SLFN12L: variants seen among roughly 807,000 people sequenced by gnomAD.
SLFN12L encodes the protein schlafen family member 12-like.
In SLFN12L, 34 loss-of-function variants were observed where a neutral mutation model predicts 34.8. That is an observed-to-expected ratio of 0.98 (90% CI 0.74 to 1.30). The LOEUF is 1.30. Ranked by LOEUF, SLFN12L falls within the 50% of genes most tolerant of loss-of-function variation. The pLI is 0.00. For synonymous variants in SLFN12L, 259 were observed against 247.5 expected (o/e 1.05, Z -0.44); for missense variants, 703 against 696.2 (o/e 1.01, Z -0.11).
chr17:35,535,774 G>A (rs557006245), intron 1 of SLFN12L, among the ~76,000 whole-genome samples: 1 of 152,198 alleles, frequency 6.6e-6, no homozygotes, highest in South Asian at 2.1e-4. Flanking sequence ...TTCCACCTCA[G>A]CCTCCTGAGT....
intron 2 of SLFN12L, chr17:35,498,532 G>T: frequency 7.8e-7 from 1 of 1,290,230 alleles, no homozygotes; most frequent in Non-Finnish European, 1.1e-6. Context: ...CTCCATCTCA[G>T]CCTGGTCCAG....
chr17:35,487,057 G>A (rs183926955), intron 2 of SLFN12L, among the ~76,000 whole-genome samples: 2 of 152,298 alleles, frequency 1.3e-5, no homozygotes, highest in East Asian at 1.9e-4. Flanking sequence ...GGCGCAGTTC[G>A]TCAGTGCCTG....
intron 4 of SLFN12L, among the ~76,000 whole-genome samples, chr17:35,477,211 G>A (rs576371317): frequency 6.6e-6 from 1 of 152,266 alleles, no homozygotes; most frequent in Non-Finnish European, 1.5e-5. Context: ...ACTGGATCTA[G>A]GAAAAGTGGT....
chr17:35,487,797 C>A lies in SLFN12L; in HGVS notation c.87-7602G>T, dbSNP rs1323784653. ...GAGTTCTTTTCCACTTTCCTGCTCT[C>A]CGCGTCCGTGTGCGGCTAGCCCCTC... is the stretch of plus-strand genomic sequence containing the variant. On this transcript the variant is annotated intron_variant, in intron 2 of 4. Transcript: ENST00000628453. 5 of 1,527,516 alleles carry A rather than the reference C, an allele frequency of 3.3e-6. No homozygotes were observed. The South Asian group carries it at 6.0e-5, about 18-fold the overall frequency. The allele number at this position is 1,527,516 out of a possible 1,614,324, so 94.6% of individuals were successfully genotyped here.
chr17:35,534,882 A>G (rs1048300245), intron 1 of SLFN12L, among the ~76,000 whole-genome samples: 1 of 152,214 alleles, frequency 6.6e-6, no homozygotes. Flanking sequence ...TGGGATCAAG[A>G]GTTCTGATAC....
In SLFN12L at chr17:35,468,102, G is replaced by A. The variant is rs1913744273; in HGVS notation, c.*6821C>T. 1.3e-5 allele frequency among the ~76,000 whole-genome samples: 2 copies of A among 152,032 alleles called. No homozygotes were observed. Among genetic ancestry groups the A allele is most frequent in the African/African-American group, 2.4e-5 (1 of 41,396 alleles). On this transcript the variant is annotated 3_prime_UTR_variant, in exon 5 of 5. Coordinates refer to ENST00000628453, the MANE Select transcript of SLFN12L (RefSeq NM_001363830.2). ...TTTTTTATGTTTTTTGTAGAGACAG[G>A]GTTTTACCATGTTGCCCAGGCTGGT...
At chr17:35,532,167 C>T (rs1010948058) in intron 1 of SLFN12L, among the ~76,000 whole-genome samples, 3 of 152,100 alleles carry the variant, frequency 2.0e-5, no homozygotes, top group Non-Finnish European at 2.9e-5. Flanking sequence ...AGGCACAGGC[C>T]GCGCACAGTG....
Position 35,479,121 on chromosome 17 carries a change from T to C in SLFN12L, c.1161A>G (p.Glu387=), listed in dbSNP as rs564109234. Residue 387 remains glutamate, a synonymous_variant, in exon 3 of 5, where the codon GAA becomes GAG. Transcript: ENST00000628453. ...KEWIQFMVDS[E]PVCEELPSPA... ...TGCCAATCCTCCTTCCTCAACCTGG[T>C]TCTGAATCCACCATGAACTGGATCC... The C allele has an allele frequency of 1.9e-6, 3 of 1,555,004 alleles. No homozygotes were observed. The highest frequency in any genetic ancestry group is 1.9e-5 in the Admixed American group (1 of 51,532).
In SLFN12L at chr17:35,471,123, T is replaced by C. The variant is rs1913799743; in HGVS notation, c.*3800A>G. On this transcript the variant is annotated 3_prime_UTR_variant, in exon 5 of 5. Transcript: ENST00000628453. ...TGTAAATAGTGGGGCAATAAACATA[T>C]GTGTGCATGTGTCTTTTTTTTTTTT... is the stretch of plus-strand genomic sequence containing the variant. Among the ~76,000 whole-genome samples the C allele has an allele frequency of 7.6e-6, 1 of 130,848 alleles. No homozygotes were observed. The highest frequency in any genetic ancestry group is 1.6e-5 in the Non-Finnish European group (1 of 63,786). 85.8% of individuals were successfully genotyped at this position (130,848 alleles called of 152,430 possible). A position where few individuals can be genotyped will look rare whatever the true frequency, so the allele number is the denominator to read the frequency against.
chr17:35,474,333 G>T lies in SLFN12L; in HGVS notation c.*590C>A, dbSNP rs1913859685. 6.6e-6 allele frequency: 1 copy of T among 152,168 alleles called. No homozygotes were observed. Among genetic ancestry groups the T allele is most frequent in the Non-Finnish European group, 1.5e-5 (1 of 68,060 alleles). The allele number at this position is 152,168 out of a possible 1,614,324, so 9.4% of individuals were successfully genotyped here. On this transcript the variant is annotated 3_prime_UTR_variant, in exon 5 of 5. Transcript: ENST00000628453. ...ATCTTGGTATGGCAAAACATGTGTAGGTAATTAATTTTTCTAATTTCCCTT... is the reference window on the plus strand; with the variant it reads ...ATCTTGGTATGGCAAAACATGTGTATGTAATTAATTTTTCTAATTTCCCTT...
At position 35,464,322 on chromosome 17, in the gene SLFN12L, A is replaced by G. The variant is rs888646008; in HGVS notation, c.*10601T>C. ...GCATGTGAAGGCTCATTACACAGGT[A>G]AACATGTGTCATGGGGTTTTGTTAT... On this transcript the variant is annotated 3_prime_UTR_variant, in exon 5 of 5. Coordinates refer to ENST00000628453, the MANE Select transcript of SLFN12L (RefSeq NM_001363830.2). The G allele has an allele frequency of 6.6e-6, 1 of 152,230 alleles. No individual in the cohort carries two copies. The highest frequency in any genetic ancestry group is 6.5e-5 in the Admixed American group (1 of 15,282). The allele number at this position is 152,230 out of a possible 1,614,324, so 9.4% of individuals were successfully genotyped here.
chr17:35,512,907 C>G (rs1915700205), intron 2 of SLFN12L, among the ~76,000 whole-genome samples: 1 of 152,118 alleles, frequency 6.6e-6, no homozygotes, highest in African/African-American at 2.4e-5. Flanking sequence ...AAGTTGCCCC[C>G]TCACTCCTCC....
chr17:35,479,659 C>A lies in SLFN12L; in HGVS notation c.623G>T (p.Arg208Met). Residue 208 changes from arginine to methionine, a missense_variant, in exon 3 of 5, where the codon AGG becomes ATG. Transcript: ENST00000628453. ...AYLRPEFPAK[R>M]ACVDVQEESN... ...TTCTTCTTGTACATCAACACAGGCC[C>A]TTTTTGCAGGGAATTCTGGTCTTAA... The A allele has an allele frequency of 6.2e-7, 1 of 1,611,508 alleles. No homozygotes were observed. Among genetic ancestry groups the A allele is most frequent in the East Asian group, 2.2e-5 (1 of 44,804 alleles).
At chr17:35,523,174 C>G (rs1426779693) in intron 1 of SLFN12L, among the ~76,000 whole-genome samples, 1 of 152,112 alleles carries the variant, frequency 6.6e-6, no homozygotes, top group Non-Finnish European at 1.5e-5. Flanking sequence ...GTTTATTATG[C>G]CTTTGACCTA....
Position 35,510,564 on chromosome 17 carries a change from G to C in SLFN12L, c.86+11715C>G, listed in dbSNP as rs139884241. On this transcript the variant is annotated intron_variant, in intron 2 of 4. Coordinates refer to ENST00000628453, the MANE Select transcript of SLFN12L (RefSeq NM_001363830.2). ...CCAGATAGGCACGTCCATAGAGACA[G>C]AGAGGAGAGGAGACGTTGCCAGGGG... Among the ~76,000 whole-genome samples the C allele has an allele frequency of 9.9e-4, 151 of 152,308 alleles. 2 individuals are homozygous for C. In the East Asian group the frequency reaches 0.015, roughly 16 times the overall value.
At chr17:35,517,653 A>G (rs1597875118) in intron 2 of SLFN12L, among the ~76,000 whole-genome samples, 1 of 152,220 alleles carries the variant, frequency 6.6e-6, no homozygotes, top group Non-Finnish European at 1.5e-5. Flanking sequence ...AAACTATACT[A>G]CAAGCCTACA....
intron 2 of SLFN12L, among the ~76,000 whole-genome samples, chr17:35,519,217 A>G (rs1915928110): frequency 6.6e-6 from 1 of 152,194 alleles, no homozygotes; most frequent in Non-Finnish European, 1.5e-5. Context: ...GAGGGAGAGC[A>G]TTAGGACAAA....
intron 2 of SLFN12L, chr17:35,487,595 C>A (rs1415483647): frequency 9.8e-6 from 9 of 917,406 alleles, no homozygotes; most frequent in Non-Finnish European, 1.3e-5. Flanking sequence ...CAGCGCGGGC[C>A]CTTAAGCAAC....
chr17:35,481,916 A>G (rs1914355760), intron 2 of SLFN12L, among the ~76,000 whole-genome samples: 1 of 152,124 alleles, frequency 6.6e-6, no homozygotes, highest in African/African-American at 2.4e-5. Context: ...GCTGGAGTGC[A>G]ATGGCACAAT....
Sources: allele counts gnomAD v4.1 joint callset (sites outside exome capture counted in the v4.1 genomes callset), GRCh38; gene constraint gnomAD v4.1.1; transcripts MANE v1.5; gene names NCBI Gene and HGNC (gene_info 2026-07-23, HGNC 2026-07-21).